STAG1: variants seen among roughly 807,000 people sequenced by gnomAD.
The protein encoded by STAG1 is cohesin subunit SA-1.
Under a neutral mutation model 170.9 loss-of-function variants are expected in STAG1, and 26 were observed. That is an observed-to-expected ratio of 0.15 (90% confidence interval 0.11 to 0.21). The LOEUF (loss-of-function observed/expected upper bound fraction) is 0.21. Ranked by LOEUF, STAG1 falls within the 10% of genes least tolerant of loss-of-function variation. The pLI is 1.00. For synonymous variants in STAG1, 514 were observed against 497.7 expected, an observed-to-expected ratio of 1.03 and a Z score of -0.44; for missense variants, 964 against 1,509.5, an observed-to-expected ratio of 0.64 and a Z score of 5.99.
Position 136,423,062 on chromosome 3 carries a change from AAAG to A in STAG1, c.1651-21_1651-19del, listed in dbSNP as rs760467432. On this transcript the variant is annotated intron_variant, in intron 16 of 33. Coordinates refer to ENST00000383202, the MANE Select transcript of STAG1 (RefSeq NM_005862.3). ...GTTAGCACCTAGAAACAAAATCGGA[AAAG>A]AAGAAGAGTATTGTGTTAAATTATA... The A allele has an allele frequency of 3.3e-5, 50 of 1,529,274 alleles. No homozygotes were observed. Among genetic ancestry groups the A allele is most frequent in the Non-Finnish European group, 4.1e-5 (46 of 1,114,584 alleles). 94.7% of individuals were successfully genotyped at this position (1,529,274 alleles called of 1,614,324 possible).
At chr3:136,472,375 A>G (rs2089648717) in intron 12 of STAG1, 38 bp downstream of exon 12, 4 of 1,473,578 alleles carry the variant, frequency 2.7e-6, no homozygotes, top group Middle Eastern at 2.1e-4. Context: ...AGGTATTAAA[A>G]TATCAATAAA....
intron 23 of STAG1, among the ~76,000 whole-genome samples, chr3:136,372,407 G>C (rs1488480833): frequency 1.3e-5 from 2 of 152,158 alleles, no homozygotes; most frequent in Non-Finnish European, 2.9e-5. Context: ...TGGTGAGAGA[G>C]GGCATCCCTG....
At chr3:136,362,823 A>T (rs1936927377) in intron 26 of STAG1, among the ~76,000 whole-genome samples, 1 of 151,844 alleles carries the variant, frequency 6.6e-6, no homozygotes, top group Non-Finnish European at 1.5e-5. Context: ...TCAAATACAC[A>T]GTCAGCTGAC....
At chr3:136,718,545 G>A (rs1933005512) in intron 1 of STAG1, among the ~76,000 whole-genome samples, 2 of 152,128 alleles carry the variant, frequency 1.3e-5, no homozygotes, top group Non-Finnish European at 2.9e-5. Flanking sequence ...AGAATCCTGT[G>A]ATGCTATCTA....
chr3:136,723,874 G>A (rs1217333974), intron 1 of STAG1, among the ~76,000 whole-genome samples: 4 of 148,836 alleles, frequency 2.7e-5, no homozygotes, highest in Non-Finnish European at 3.0e-5. Context: ...CCGTCCGGGA[G>A]GGTGGTGGGG....
chr3:136,705,375 T>C (rs1943198672), intron 1 of STAG1, among the ~76,000 whole-genome samples: 1 of 102,630 alleles, frequency 9.7e-6, no homozygotes. Context: ...CACATGATCA[T>C]CAAACACACA....
At chr3:136,373,730 C>T (rs902445189) in intron 23 of STAG1, among the ~76,000 whole-genome samples, 1 of 152,102 alleles carries the variant, frequency 6.6e-6, no homozygotes, top group Non-Finnish European at 1.5e-5. Context: ...GTTATAATTT[C>T]TGTTCTTTTA....
At chr3:136,643,894 T>TA (rs1940892663) in intron 1 of STAG1, among the ~76,000 whole-genome samples, 1 of 152,230 alleles carries the variant, frequency 6.6e-6, no homozygotes, top group South Asian at 2.1e-4. Context: ...TACAATTTAC[T>TA]AGACCTACCA....
chr3:136,614,804 A>C (rs953574228), intron 3 of STAG1, among the ~76,000 whole-genome samples: 1 of 151,184 alleles, frequency 6.6e-6, no homozygotes, highest in African/African-American at 2.4e-5. Context: ...AAGATACAAA[A>C]ACATTCTTTA....
intron 9 of STAG1, among the ~76,000 whole-genome samples, chr3:136,487,697 A>G (rs1371473508): frequency 6.6e-6 from 1 of 152,202 alleles, no homozygotes. Context: ...CAGCAAAATT[A>G]CAACTGATGT....
chr3:136,494,544 A>G (rs950299293), intron 9 of STAG1, among the ~76,000 whole-genome samples: 6 of 152,208 alleles, frequency 3.9e-5, no homozygotes, highest in Non-Finnish European at 8.8e-5. Flanking sequence ...AAATACTAGC[A>G]AACTGAATCC....
intron 21 of STAG1, among the ~76,000 whole-genome samples, chr3:136,415,239 A>G (rs565038287): frequency 1.4e-4 from 22 of 152,318 alleles, no homozygotes; most frequent in Admixed American, 1.2e-3. Flanking sequence ...GCAAAGCACA[A>G]TAAAATGAGG....
chr3:136,338,518 CT>C lies in STAG1; in HGVS notation c.3673-69del, dbSNP rs1935798903. ...TAAGACAATGAATTGTGATAATCAG[CT>C]AATATTTCTGACAGTATCATAAATA... is the stretch of plus-strand genomic sequence containing the variant. On this transcript the variant is annotated intron_variant, in intron 32 of 33. Coordinates refer to ENST00000383202, the MANE Select transcript of STAG1 (RefSeq NM_005862.3). 4 of 1,154,662 alleles carry C rather than the reference CT, an allele frequency of 3.5e-6. No homozygotes were observed. In the East Asian group the frequency reaches 9.5e-5, roughly 27 times the overall value. The allele number at this position is 1,154,662 out of a possible 1,614,324, so 71.5% of individuals were successfully genotyped here. A position where few individuals can be genotyped will look rare whatever the true frequency, so the allele number is the denominator to read the frequency against.
At chr3:136,707,280 G>T (rs773287276) in intron 1 of STAG1, among the ~76,000 whole-genome samples, 4 of 152,108 alleles carry the variant, frequency 2.6e-5, no homozygotes, top group Admixed American at 2.0e-4. Context: ...CTCACAAAAT[G>T]AGAGAAAATA....
rs1364573783 is a variant in STAG1, at chr3:136,633,673, C to T, written c.-83-2692G>A. Reference sequence around the variant, plus strand: ...TAAGATTGTGCCACTGCACTCCAACCTGGACAACAGAGCAAAAGTTTCCAT... The same window carrying T: ...TAAGATTGTGCCACTGCACTCCAACTTGGACAACAGAGCAAAAGTTTCCAT... On this transcript the variant is annotated intron_variant, in intron 1 of 33. Transcript: ENST00000383202. Among the ~76,000 whole-genome samples the T allele has an allele frequency of 6.3e-5, 8 of 126,854 alleles. No individual in the cohort carries two copies. In the Admixed American group the frequency reaches 8.7e-4, roughly 14 times the overall value. The allele number at this position is 126,854 out of a possible 152,430, so 83.2% of individuals were successfully genotyped here. A position where few individuals can be genotyped will look rare whatever the true frequency, so the allele number is the denominator to read the frequency against.
At position 136,584,160 on chromosome 3, in the gene STAG1, A is replaced by G. The variant is rs1314489352; in HGVS notation, c.298-15299T>C. Among the ~76,000 whole-genome samples, 10 of 152,266 alleles carry G rather than the reference A, an allele frequency of 6.6e-5. 3 individuals are homozygous for G. The highest frequency in any genetic ancestry group is 6.5e-4 in the Admixed American group (10 of 15,298). On this transcript the variant is annotated intron_variant, in intron 4 of 33. Transcript: ENST00000383202. Reference sequence around the variant, plus strand: ...CTCTCCTGTCCTGGTACTCTAAAATACCATACTGGTCTTGGTTTCTTTCTC... The same window carrying G: ...CTCTCCTGTCCTGGTACTCTAAAATGCCATACTGGTCTTGGTTTCTTTCTC...
At chr3:136,515,194 G>A (rs1934297375) in intron 7 of STAG1, among the ~76,000 whole-genome samples, 2 of 152,030 alleles carry the variant, frequency 1.3e-5, no homozygotes, top group Admixed American at 6.5e-5. Context: ...ATAAAACCCC[G>A]TCTCTCCCAA....
chr3:136,514,878 C>A (rs1432040079), intron 7 of STAG1, among the ~76,000 whole-genome samples: 1 of 151,854 alleles, frequency 6.6e-6, no homozygotes, highest in Non-Finnish European at 1.5e-5. Flanking sequence ...CACTTGGACA[C>A]AGGGTGGGGA....
chr3:136,662,841 G>C (rs903378559), intron 1 of STAG1, among the ~76,000 whole-genome samples: 1 of 152,290 alleles, frequency 6.6e-6, no homozygotes, highest in East Asian at 1.9e-4. Flanking sequence ...CACCTGAGGT[G>C]AGGAGTTCAA....
Sources: allele counts gnomAD v4.1 joint callset (sites outside exome capture counted in the v4.1 genomes callset), GRCh38; gene constraint gnomAD v4.1.1; transcripts MANE v1.5; gene names NCBI Gene and HGNC (gene_info 2026-07-23, HGNC 2026-07-21).